POFUT2: variants seen among roughly 807,000 people sequenced by gnomAD.
POFUT2 encodes the protein protein O-fucosyltransferase 2.
POFUT2 carries 30 observed loss-of-function variants against 55.0 expected under a neutral mutation model. The observed-to-expected ratio is 0.55, with a 90% confidence interval of 0.41 to 0.74. The LOEUF (loss-of-function observed/expected upper bound fraction) is 0.74, where lower values mean the gene tolerates loss of function less well. Among genes scored for constraint, POFUT2 ranks in the 30% least tolerant of loss-of-function variants. POFUT2 has a pLI of 0.00. For synonymous variants in POFUT2, 267 were observed against 231.1 expected (o/e 1.16, Z -1.41); for missense variants, 524 against 562.6 (o/e 0.93, Z 0.69).
Position 45,269,830 on chromosome 21 carries a change from G to T in POFUT2, c.1012+9C>A. 6.3e-7 allele frequency: 1 copy of T among 1,591,108 alleles called. No homozygotes were observed. Among genetic ancestry groups the T allele is most frequent in the South Asian group, 1.2e-5 (1 of 85,990 alleles). On this transcript the variant is annotated intron_variant, in intron 7 of 8. Coordinates refer to ENST00000349485, the MANE Select transcript of POFUT2 (RefSeq NM_133635.6). Reference sequence around the variant, plus strand: ...AAAGGAAAGAAACGAAAGCATTGAAGCTCCATACCCTTTCTGACGGCATCT... The same window carrying T: ...AAAGGAAAGAAACGAAAGCATTGAATCTCCATACCCTTTCTGACGGCATCT...
In POFUT2 at chr21:45,269,987, G is replaced by A. The variant is rs1326751202; in HGVS notation, c.864C>T (p.Tyr288=). The A allele has an allele frequency of 1.3e-6, 2 of 1,573,242 alleles. No homozygotes were observed. Among genetic ancestry groups the A allele is most frequent in the African/African-American group, 2.8e-5 (2 of 72,056 alleles). The change falls in exon 7 of 9, where the codon TAC becomes TAT. Residue 288 remains tyrosine, a synonymous_variant. Transcript: ENST00000349485. ...CTTTTCTTCTCAGGTGGACTCCCAGGTAGGGGCCCCCTAGCGCGGAGCCCA... is the reference window on the plus strand; with the variant it reads ...CTTTTCTTCTCAGGTGGACTCCCAGATAGGGGCCCCCTAGCGCGGAGCCCA... ...VKLGSALGGP[Y]LGVHLRRKDF...
At position 45,279,823 on chromosome 21, in the gene POFUT2, G is replaced by A. The variant is rs1057158071; in HGVS notation, c.639-1654C>T. Among the ~76,000 whole-genome samples the A allele has an allele frequency of 6.6e-5, 10 of 152,326 alleles. 1 individual carries two copies. The highest frequency in any genetic ancestry group is 6.8e-3 in the Middle Eastern group (2 of 294). On this transcript the variant is annotated intron_variant, in intron 4 of 8. Transcript: ENST00000349485. Reference sequence around the variant, plus strand: ...AAGAACGAGGTGATGTCCATGTGTCGTAATACCCAGGTGAATGGCTGGGTG... The same window carrying A: ...AAGAACGAGGTGATGTCCATGTGTCATAATACCCAGGTGAATGGCTGGGTG...
intron 6 of POFUT2, among the ~76,000 whole-genome samples, chr21:45,272,625 G>GTTA (rs945305318): frequency 6.6e-6 from 1 of 152,068 alleles, no homozygotes; most frequent in African/African-American, 2.4e-5. Flanking sequence ...CATATGGAAC[G>GTTA]TTATCCAAGA....
In POFUT2 at chr21:45,277,204, C is replaced by T. The variant is rs1310805825; in HGVS notation, c.706-62G>A. ...CGCCCGCCACGCAGCCCTCCCGGAG[C>T]GGGTTCTCCTGTCGCTGCCACCACC... On this transcript the variant is annotated intron_variant, in intron 5 of 8. Coordinates refer to ENST00000349485, the MANE Select transcript of POFUT2 (RefSeq NM_133635.6). This position sits in a 1 kb window ranked among gnomAD's most constrained non-coding sequence, Gnocchi z 6.9. The T allele has an allele frequency of 1.0e-5, 16 of 1,580,694 alleles. No individual in the cohort carries two copies. The highest frequency in any genetic ancestry group is 1.4e-5 in the Non-Finnish European group (16 of 1,166,016).
At position 45,270,315 on chromosome 21, in the gene POFUT2, C is replaced by A. The variant is rs1347499349; in HGVS notation, c.832-296G>T. ...ACGCTGTGAACTTTTCCTCCGAGAA[C>A]CACCGCAGGGACGTGCCACAAAGAG... On this transcript the variant is annotated intron_variant, in intron 6 of 8. Transcript: ENST00000349485. This position sits in a 1 kb window ranked among gnomAD's most constrained non-coding sequence, Gnocchi z 4.6. Among the ~76,000 whole-genome samples the A allele has an allele frequency of 6.6e-6, 1 of 152,194 alleles. No homozygotes were observed. Among genetic ancestry groups the A allele is most frequent in the Non-Finnish European group, 1.5e-5 (1 of 68,024 alleles).
chr21:45,285,859 G>A lies in POFUT2; in HGVS notation c.201C>T (p.Ala67=). The A allele has an allele frequency of 6.2e-7, 1 of 1,613,294 alleles. No homozygotes were observed. Among genetic ancestry groups the A allele is most frequent in the Non-Finnish European group, 8.5e-7 (1 of 1,179,952 alleles). ...NLRRDVYIRI[A]SLLKTLLKTE... ...TCTTCAGCAGAGTCTTCAGGAGAGAGGCGATTCGGATATAGACATCCCTGC... is the reference window on the plus strand; with the variant it reads ...TCTTCAGCAGAGTCTTCAGGAGAGAAGCGATTCGGATATAGACATCCCTGC... The change falls in exon 2 of 9, where the codon GCC becomes GCT. Residue 67 remains alanine (A), a synonymous_variant. Transcript: ENST00000349485. This position sits in a 1 kb window ranked among gnomAD's most constrained non-coding sequence, Gnocchi z 4.9.
chr21:45,266,292 C>G lies in POFUT2; in HGVS notation c.1137-657G>C. 4.4e-6 allele frequency: 6 copies of G among 1,366,532 alleles called. No homozygotes were observed. In the South Asian group the frequency reaches 6.8e-5, roughly 16 times the overall value. 84.7% of individuals were successfully genotyped at this position (1,366,532 alleles called of 1,614,324 possible). A position where few individuals can be genotyped will look rare whatever the true frequency, so the allele number is the denominator to read the frequency against. On this transcript the variant is annotated intron_variant, in intron 8 of 8. Coordinates refer to ENST00000349485, the MANE Select transcript of POFUT2 (RefSeq NM_133635.6). ...AATGTAACATGCACAGCGCTGTACACAGAGCCACAGGGCCAGCAGGCCACA... is the reference window on the plus strand; with the variant it reads ...AATGTAACATGCACAGCGCTGTACAGAGAGCCACAGGGCCAGCAGGCCACA...
rs1396824680 is a variant in POFUT2, at chr21:45,277,294, T to A, written c.706-152A>T. On this transcript the variant is annotated intron_variant, in intron 5 of 8. Coordinates refer to ENST00000349485, the MANE Select transcript of POFUT2 (RefSeq NM_133635.6). The surrounding 1 kb of genome is among the most constrained non-coding windows in gnomAD (Gnocchi z 6.9). ...CACGGTCGCCTGAGAAGCAGCGCCA[T>A]CCACGGTGGAGGCTCTTGGAGGGTC... The A allele has an allele frequency of 9.7e-7, 1 of 1,035,808 alleles. No homozygotes were observed. The highest frequency in any genetic ancestry group is 1.4e-6 in the Non-Finnish European group (1 of 732,382). The allele number at this position is 1,035,808 out of a possible 1,614,324, so 64.2% of individuals were successfully genotyped here.
intron 6 of POFUT2, among the ~76,000 whole-genome samples, chr21:45,271,010 T>C (rs754989371): frequency 7.2e-5 from 11 of 152,148 alleles, no homozygotes; most frequent in Non-Finnish European, 1.2e-4. Flanking sequence ...CAAAAGATCA[T>C]AGTAGCTCCC....
chr21:45,267,678 C>T lies in POFUT2; in HGVS notation c.1048G>A (p.Val350Met). 1 of 1,614,190 alleles carries T rather than the reference C, an allele frequency of 6.2e-7. No homozygotes were observed. Among genetic ancestry groups the T allele is most frequent in the Non-Finnish European group, 8.5e-7 (1 of 1,180,036 alleles). ...TCCTCCCACGTGGGTTCAAACCTCA[C>T]CATCTCGGGTAACAGCTTTTTTAGC... ...EELKKLLPEM[V>M]RFEPTWEELE... Residue 350 changes from valine (V) to methionine (M), a missense_variant, in exon 8 of 9, where the codon GTG becomes ATG. By Grantham distance (21) the Val-to-Met change is conservative. This residue lies in a region of POFUT2 where 250 missense variants were observed against 318.2 expected (regional missense o/e 0.79). Coordinates refer to ENST00000349485, the MANE Select transcript of POFUT2 (RefSeq NM_133635.6). The surrounding 1 kb of genome is among the most constrained non-coding windows in gnomAD (Gnocchi z 4.4).
chr21:45,275,285 G>A (rs75611516), intron 6 of POFUT2, among the ~76,000 whole-genome samples: 2 of 152,304 alleles, frequency 1.3e-5, no homozygotes, highest in East Asian at 1.9e-4. Context: ...ATGTCGGCAC[G>A]GATGCAGTGA....
At chr21:45,276,934 G>A (rs1473992919) in intron 6 of POFUT2, 83 bp downstream of exon 6, 1 of 1,478,494 alleles carries the variant, frequency 6.8e-7, no homozygotes, top group Non-Finnish European at 9.3e-7. Context: ...ACCCTGCTGT[G>A]ACTTTACATG....
rs1242254625 is a variant in POFUT2 at position 45,281,682 on chromosome 21, C to T, written c.638+667G>A. On this transcript the variant is annotated intron_variant, in intron 4 of 8. Transcript: ENST00000349485. The surrounding 1 kb of genome is among the most constrained non-coding windows in gnomAD (Gnocchi z 5.0). ...GGCAAGTGCGAGGGGCACCCGTGCC[C>T]TGCTATGCCTGGTCTATGGGAGACG... Among the ~76,000 whole-genome samples, 8 of 152,166 alleles carry T rather than the reference C, an allele frequency of 5.3e-5. No individual in the cohort carries two copies. In the East Asian group the frequency reaches 1.6e-3, roughly 30 times the overall value.
At chr21:45,287,619 C>G in intron 1 of POFUT2, 122 bp downstream of exon 1, 1 of 1,030,710 alleles carries the variant, frequency 9.7e-7, no homozygotes, top group South Asian at 3.5e-5. Flanking sequence ...CCCTCCATCC[C>G]GTGGGCCTGC....
In POFUT2 at chr21:45,265,235, C is replaced by T. The variant is rs527436195; in HGVS notation, c.*247G>A. 1,504 of 394,742 alleles carry T rather than the reference C, an allele frequency of 3.8e-3. 8 individuals are homozygous for T. The highest frequency in any genetic ancestry group is 5.3e-3 in the Non-Finnish European group (1,177 of 220,562). The allele number at this position is 394,742 out of a possible 1,614,324, so 24.5% of individuals were successfully genotyped here. A position where few individuals can be genotyped will look rare whatever the true frequency, so the allele number is the denominator to read the frequency against. On this transcript the variant is annotated 3_prime_UTR_variant, in exon 9 of 9. Coordinates refer to ENST00000349485, the MANE Select transcript of POFUT2 (RefSeq NM_133635.6). The surrounding 1 kb of genome is among the most constrained non-coding windows in gnomAD (Gnocchi z 4.6). ...TGCTGGCAACCGAGCTGTGGGTTCA[C>T]AGACGCTGCCTGAAAACAACCGCCA...
rs1303842520 is a variant in POFUT2 at position 45,284,263 on chromosome 21, C to T, written c.383-736G>A. Among the ~76,000 whole-genome samples, 5 of 152,038 alleles carry T rather than the reference C, an allele frequency of 3.3e-5. No homozygotes were observed. Among genetic ancestry groups the T allele is most frequent in the African/African-American group, 4.8e-5 (2 of 41,360 alleles). On this transcript the variant is annotated intron_variant, in intron 2 of 8. Coordinates refer to ENST00000349485, the MANE Select transcript of POFUT2 (RefSeq NM_133635.6). This position sits in a 1 kb window ranked among gnomAD's most constrained non-coding sequence, Gnocchi z 5.8. The stretch of plus-strand genomic sequence containing the variant: ...AGGAACAAAGCGGGAGGGAGCATCG[C>T]GAAGGTGAAGTTCTGGTATCCTTTT...
intron 7 of POFUT2, 152 bp downstream of exon 7, chr21:45,269,687 G>C (rs2093200421): frequency 1.4e-6 from 1 of 699,270 alleles, no homozygotes; most frequent in Non-Finnish European, 2.3e-6. Flanking sequence ...GAAAACCAGA[G>C]ACCTTTGTTC....
chr21:45,283,312 G>T (rs1411571986), intron 3 of POFUT2, 71 bp downstream of exon 3: 3 of 787,146 alleles, frequency 3.8e-6, no homozygotes, highest in African/African-American at 2.5e-5. Context: ...CTGAGGCGGG[G>T]GGGGGGGGAC....
In POFUT2 at chr21:45,287,788, G is replaced by A. The variant is rs2031645559; in HGVS notation, c.84C>T (p.Pro28=). 2 of 1,509,152 alleles carry A rather than the reference G, an allele frequency of 1.3e-6. No homozygotes were observed. The highest frequency in any genetic ancestry group is 1.8e-6 in the Non-Finnish European group (2 of 1,124,460). The allele number at this position is 1,509,152 out of a possible 1,614,324, so 93.5% of individuals were successfully genotyped here. A position where few individuals can be genotyped will look rare whatever the true frequency, so the allele number is the denominator to read the frequency against. Residue 28 remains proline, a synonymous_variant, in exon 1 of 9, where the codon CCC becomes CCT. Coordinates refer to ENST00000349485, the MANE Select transcript of POFUT2 (RefSeq NM_133635.6). The stretch of plus-strand genomic sequence containing the variant: ...ACAGAATATCGGCCGCCGATTGTCC[G>A]GGCCAGAACTCCTGGCCGGAGGCAG... ...PASASGQEFW[P]GQSAADILSG... is the part of the protein sequence containing the mutation.
Sources: allele counts gnomAD v4.1 joint callset (sites outside exome capture counted in the v4.1 genomes callset), GRCh38; gene constraint gnomAD v4.1.1; regional missense constraint gnomAD v4.1.1; non-coding constraint Gnocchi (gnomAD v3.1); transcripts MANE v1.5; gene names NCBI Gene and HGNC (gene_info 2026-07-23, HGNC 2026-07-21).